ANGPTL6: variants seen among roughly 807,000 people sequenced by gnomAD.
ANGPTL6 encodes the protein angiopoietin like 6.
In ANGPTL6, 45 loss-of-function variants were observed where a neutral mutation model predicts 47.4. That is an observed-to-expected ratio of 0.95 (90% confidence interval 0.75 to 1.22). The LOEUF (loss-of-function observed/expected upper bound fraction) is 1.22, where lower values mean the gene tolerates loss of function less well. Ranked by LOEUF, ANGPTL6 falls within the 50% of genes most tolerant of loss-of-function variation. The probability of loss-of-function intolerance (pLI) is 0.00; values close to 1 mark genes in which losing one functional copy is unlikely to be tolerated. For missense variants in ANGPTL6, 698 were observed against 669.4 expected (o/e 1.04, Z -0.47); for synonymous variants, 290 against 295.9 (o/e 0.98, Z 0.20).
upstream of ANGPTL6, among the ~76,000 whole-genome samples, chr19:10,105,849 G>C (rs2088806958): frequency 6.6e-6 from 1 of 152,252 alleles, no homozygotes; most frequent in African/African-American, 2.4e-5. Context: ...GCCTTGCCCT[G>C]AGTTTCCAGA....
intron 1 of ANGPTL6, among the ~76,000 whole-genome samples, chr19:10,100,008 C>T (rs62106211): frequency 1 from 150,155 of 150,168 alleles, 75,071 homozygotes; most frequent in Middle Eastern, 1. Flanking sequence ...TACAGGCATG[C>T]GCCACCACAC....
Position 10,102,661 on chromosome 19 carries a change from A to C in ANGPTL6, c.-104T>G, listed in dbSNP as rs1397382370. 1 of 984,720 alleles carries C rather than the reference A, an allele frequency of 1.0e-6. No individual in the cohort carries two copies. The highest frequency in any genetic ancestry group is 1.2e-6 in the Non-Finnish European group (1 of 829,510). The allele number at this position is 984,720 out of a possible 1,614,324, so 61.0% of individuals were successfully genotyped here. On this transcript the variant is annotated 5_prime_UTR_variant, in exon 1 of 6. Transcript: ENST00000253109. ...GGGTCCAGTGGGGCCTCTGAGCTAG[A>C]GACGGGGAGAGGGCAGTGGGACAGA...
chr19:10,095,218 A>C (rs2088500803), intron 2 of ANGPTL6, among the ~76,000 whole-genome samples: 1 of 152,044 alleles, frequency 6.6e-6, no homozygotes, highest in Non-Finnish European at 1.5e-5. Context: ...GACCAGCCTG[A>C]CCAACATGGT....
chr19:10,098,191 A>G (rs2145178169), intron 1 of ANGPTL6, among the ~76,000 whole-genome samples: 1 of 152,080 alleles, frequency 6.6e-6, no homozygotes, highest in South Asian at 2.1e-4. Context: ...GCTAATTTTT[A>G]AACTATTTTG....
chr19:10,096,923 T>C (rs1430286825), intron 1 of ANGPTL6, among the ~76,000 whole-genome samples: 1 of 97,666 alleles, frequency 1.0e-5, no homozygotes, highest in Non-Finnish European at 2.1e-5. Flanking sequence ...GGGAGACCCC[T>C]GTCTCTACAA....
At position 10,097,015 on chromosome 19, in the gene ANGPTL6, C is replaced by T. The variant is rs149972107; in HGVS notation, c.-10-442G>A. ...TCGGGAGGCTGAGGCAGGAGGATCA[C>T]TTGAGCCCAGGAGTTCAAGGCTTCA... is the stretch of plus-strand genomic sequence containing the variant. On this transcript the variant is annotated intron_variant, in intron 1 of 5. Transcript: ENST00000253109. 4.1e-3 allele frequency among the ~76,000 whole-genome samples: 622 copies of T among 152,046 alleles called. 2 individuals are homozygous for T. The highest frequency in any genetic ancestry group is 0.014 in the African/African-American group (592 of 41,464).
chr19:10,100,268 G>C lies in ANGPTL6; in HGVS notation c.-11+2300C>G, dbSNP rs1457106813. ...CTCAAAAAAAAAGAAAAAAAAGAGA[G>C]AGTCGTGCTCTGTTGCCCAGGCTGG... On this transcript the variant is annotated intron_variant, in intron 1 of 5. Transcript: ENST00000253109. 2.0e-5 allele frequency among the ~76,000 whole-genome samples: 3 copies of C among 151,916 alleles called. No individual in the cohort carries two copies. The East Asian group carries it at 5.9e-4, about 30-fold the overall frequency.
Position 10,092,398 on chromosome 19 carries a change from G to A in ANGPTL6, c.*191C>T. 1 of 1,521,066 alleles carries A rather than the reference G, an allele frequency of 6.6e-7. No individual in the cohort carries two copies. Among genetic ancestry groups the A allele is most frequent in the Non-Finnish European group, 8.8e-7 (1 of 1,137,854 alleles). The allele number at this position is 1,521,066 out of a possible 1,614,324, so 94.2% of individuals were successfully genotyped here. A position where few individuals can be genotyped will look rare whatever the true frequency, so the allele number is the denominator to read the frequency against. ...AAACCGAGATATGAATGACCTTGGGGAGCCATCTGAGGCCAAGATATTGAC... is the reference window on the plus strand; with the variant it reads ...AAACCGAGATATGAATGACCTTGGGAAGCCATCTGAGGCCAAGATATTGAC... On this transcript the variant is annotated 3_prime_UTR_variant, in exon 6 of 6. Coordinates refer to ENST00000253109, the MANE Select transcript of ANGPTL6 (RefSeq NM_031917.3).
chr19:10,104,081 C>G (rs79739301), upstream of ANGPTL6, among the ~76,000 whole-genome samples: 1 of 74,184 alleles, frequency 1.3e-5, no homozygotes, highest in Non-Finnish European at 2.6e-5. Flanking sequence ...GACTCTGTCT[C>G]AAAAAAAAAA....
chr19:10,101,472 A>C (rs1158358263), intron 1 of ANGPTL6, among the ~76,000 whole-genome samples: 1 of 152,298 alleles, frequency 6.6e-6, no homozygotes, highest in East Asian at 1.9e-4. Context: ...TTCCAGGCAG[A>C]GAGAACAGCA....
intron 1 of ANGPTL6, among the ~76,000 whole-genome samples, chr19:10,102,242 GACTTGGGTTTTA>G (rs1162726104): frequency 6.6e-6 from 1 of 151,546 alleles, no homozygotes; most frequent in Non-Finnish European, 1.5e-5. Context: ...CCCGGAGGAG[GACTTGGGTTTTA>G]CTCTGAGTCA....
In ANGPTL6 at chr19:10,094,758, C is replaced by T. The variant is rs769857326; in HGVS notation, c.763G>A (p.Gly255Ser). Residue 255 changes from glycine to serine, a missense_variant and splice_region_variant, in exon 3 of 6, where the codon GGC becomes AGC. Coordinates refer to ENST00000253109, the MANE Select transcript of ANGPTL6 (RefSeq NM_031917.3). The stretch of plus-strand genomic sequence containing the variant: ...TTCCTCAGCCCTAATGTCGACTTAC[C>T]CACAGGCTTGGTGGGGACCGCAGGG... ...GHPAVPTKPV[G>S]PWQDCAEARQ... 6.8e-6 allele frequency: 11 copies of T among 1,614,036 alleles called. No individual in the cohort carries two copies. The highest frequency in any genetic ancestry group is 5.0e-5 in the Admixed American group (3 of 59,984).
chr19:10,094,677 C>G, intron 3 of ANGPTL6, 81 bp downstream of exon 3: 2 of 1,545,414 alleles, frequency 1.3e-6, no homozygotes, highest in Non-Finnish European at 1.8e-6. Flanking sequence ...GGTCTTCTCA[C>G]AATGAGAGAA....
rs188290430 is a variant in ANGPTL6 at position 10,096,630 on chromosome 19, T to C, written c.-10-57A>G. 1,346 of 1,309,854 alleles carry C rather than the reference T, an allele frequency of 1.0e-3. 21 individuals are homozygous for C. In the Admixed American group the frequency reaches 0.022, roughly 21 times the overall value. The allele number at this position is 1,309,854 out of a possible 1,614,324, so 81.1% of individuals were successfully genotyped here. On this transcript the variant is annotated intron_variant, in intron 1 of 5. Transcript: ENST00000253109. ...GGGTGCTGGGGCCCAGCGAGACCCC[T>C]CCGCTTCCACGCGGGGATGCGCGCG... is the stretch of plus-strand genomic sequence containing the variant.
In ANGPTL6 at chr19:10,096,193, G is replaced by C; in HGVS notation, c.371C>G (p.Pro124Arg). The change falls in exon 2 of 6, where the codon CCG (proline) becomes CGG (arginine). Residue 124 changes from proline (P) to arginine (R), a missense_variant. By Grantham distance (103) the Pro-to-Arg change is moderately radical. Coordinates refer to ENST00000253109, the MANE Select transcript of ANGPTL6 (RefSeq NM_031917.3). ...LQHEAGPGAG[P>R]GADLGAEPAA... Reference sequence around the variant, plus strand: ...AGGCTCCGCCCCCAGATCCGCCCCCGGGCCCGCCCCGGGCCCCGCCTCGTG... The same window carrying C: ...AGGCTCCGCCCCCAGATCCGCCCCCCGGCCCGCCCCGGGCCCCGCCTCGTG... 2 of 1,240,372 alleles carry C rather than the reference G, an allele frequency of 1.6e-6. No individual in the cohort carries two copies. The highest frequency in any genetic ancestry group is 2.0e-6 in the Non-Finnish European group (2 of 992,490). 76.8% of individuals were successfully genotyped at this position (1,240,372 alleles called of 1,614,324 possible).
At chr19:10,103,865 T>C (rs4804484), upstream of ANGPTL6, among the ~76,000 whole-genome samples, 150,437 of 150,512 alleles carry the variant, frequency 1, 75,181 homozygotes, top group Admixed American at 1. Flanking sequence ...GAGGCCAAGG[T>C]GGGCAGATCA....
upstream of ANGPTL6, among the ~76,000 whole-genome samples, chr19:10,104,887 C>T (rs2088778594): frequency 6.6e-6 from 1 of 152,162 alleles, no homozygotes; most frequent in African/African-American, 2.4e-5. Context: ...GAAACCTATC[C>T]ACCGCACCAC....
In ANGPTL6 at chr19:10,096,357, G is replaced by T; in HGVS notation, c.207C>A (p.Val69=). 1 of 1,286,074 alleles carries T rather than the reference G, an allele frequency of 7.8e-7. No individual in the cohort carries two copies. The highest frequency in any genetic ancestry group is 2.6e-5 in the South Asian group (1 of 38,904). 79.7% of individuals were successfully genotyped at this position (1,286,074 alleles called of 1,614,324 possible). A position where few individuals can be genotyped will look rare whatever the true frequency, so the allele number is the denominator to read the frequency against. ...CGCGTAACAGCTCCTCGTGGCGGCC[G>T]ACGCGCATGCGCAGCGCCGCCAGCT... ...ASELAALRMR[V]GRHEELLREL... is the part of the protein sequence containing the mutation. The change falls in exon 2 of 6, where the codon GTC becomes GTA. Residue 69 remains valine (V), a synonymous_variant. Transcript: ENST00000253109.
upstream of ANGPTL6, chr19:10,102,888 A>C (rs1599295909): frequency 3.3e-6 from 2 of 599,834 alleles, no homozygotes; most frequent in South Asian, 7.2e-5. Context: ...TTTCCCCCAC[A>C]CCCTCCACTG....
Sources: gnomAD v4.1 joint callset for allele counts (sites outside exome capture counted in the v4.1 genomes callset) on GRCh38, gnomAD v4.1.1 for gene constraint, MANE v1.5 for transcripts, NCBI Gene and HGNC (gene_info 2026-07-23, HGNC 2026-07-21) for gene names.